Variants in GNPNAT1 observed in about 807,000 individuals in gnomAD.
The protein encoded by GNPNAT1 is glucosamine-phosphate N-acetyltransferase 1.
Under a neutral mutation model 19.8 loss-of-function variants are expected in GNPNAT1, and 11 were observed. The observed-to-expected ratio is 0.56, with a 90% CI of 0.35 to 0.92. The LOEUF is 0.92. Among genes scored for constraint, GNPNAT1 ranks in the 40% least tolerant of loss-of-function variants. GNPNAT1 has a pLI of 0.01. For synonymous variants in GNPNAT1, 71 were observed against 72.3 expected, an observed-to-expected ratio of 0.98 and a Z score of 0.09; for missense variants, 157 against 211.0, an observed-to-expected ratio of 0.74 and a Z score of 1.59.
At chr14:52,789,992 A>T (rs1169303070) in intron 1 of GNPNAT1, among the ~76,000 whole-genome samples, 1 of 46,452 alleles carries the variant, frequency 2.2e-5, no homozygotes, top group Non-Finnish European at 5.5e-5. Context: ...AGGACAAAAA[A>T]AAAAAAAAAA....
At chr14:52,787,852 CACT>C (rs774538706) in intron 1 of GNPNAT1, 10 of 151,872 alleles carry the variant, frequency 6.6e-5, no homozygotes, top group Non-Finnish European at 1.0e-4. Flanking sequence ...ATGAATCAGG[CACT>C]GTGCTGGTTA....
chr14:52,786,881 T>G, intron 1 of GNPNAT1, among the ~76,000 whole-genome samples: 1 of 117,844 alleles, frequency 8.5e-6, no homozygotes, highest in African/African-American at 3.5e-5. Flanking sequence ...TTTTTTTTTT[T>G]TTTTTTTTCA....
intron 1 of GNPNAT1, among the ~76,000 whole-genome samples, chr14:52,786,274 G>A (rs1883016468): frequency 6.6e-6 from 1 of 151,814 alleles, no homozygotes; most frequent in African/African-American, 2.4e-5. Flanking sequence ...AGAGGCAGAG[G>A]CAGGTAGATC....
At chr14:52,781,983 A>G in intron 3 of GNPNAT1, 72 bp from the exon 4 acceptor site, 1 of 1,339,790 alleles carries the variant, frequency 7.5e-7, no homozygotes, top group Non-Finnish European at 1.0e-6. Flanking sequence ...AAATATTAGG[A>G]TTAGCTGACT....
rs116522848 is a variant in GNPNAT1 at position 52,787,454 on chromosome 14, T to G, written c.-14-2790A>C. On this transcript the variant is annotated intron_variant, in intron 1 of 5. Transcript: ENST00000216410. ...CTGTTGAAAGAGCTTTACTAATTCA[T>G]TTATTTCAACCATCCTACAGGTTAG... Among the ~76,000 whole-genome samples the G allele has an allele frequency of 4.2e-3, 643 of 152,270 alleles. 5 individuals are homozygous for G. Among genetic ancestry groups the G allele is most frequent in the African/African-American group, 0.015 (606 of 41,584 alleles).
chr14:52,788,514 T>G (rs1371258212), intron 1 of GNPNAT1, among the ~76,000 whole-genome samples: 1 of 152,218 alleles, frequency 6.6e-6, no homozygotes, highest in Non-Finnish European at 1.5e-5. Flanking sequence ...TTTTTGTGTG[T>G]AATCTCATCT....
At chr14:52,789,895 C>G (rs1229204017) in intron 1 of GNPNAT1, among the ~76,000 whole-genome samples, 1 of 150,078 alleles carries the variant, frequency 6.7e-6, no homozygotes, top group Non-Finnish European at 1.5e-5. Context: ...TTAGAAGACC[C>G]GTTTAAGCCT....
Position 52,778,365 on chromosome 14 carries a change from C to G in GNPNAT1, c.501G>C (p.Lys167Asn). Reference sequence around the variant, plus strand: ...TTTCTTCAGATACAGTATATCCAAACTTTTTATAGAAACCAACATTTTGTG... The same window carrying G: ...TTTCTTCAGATACAGTATATCCAAAGTTTTTATAGAAACCAACATTTTGTG... Reference protein sequence around the residue: ...CLPQNVGFYKKFGYTVSEENY... With the variant: ...CLPQNVGFYKNFGYTVSEENY... The change falls in exon 6 of 6, where the codon AAG (lysine) becomes AAC (asparagine). Residue 167 changes from lysine (K) to asparagine (N), a missense_variant. Coordinates refer to ENST00000216410, the MANE Select transcript of GNPNAT1 (RefSeq NM_198066.4). The G allele has an allele frequency of 1.2e-6, 2 of 1,606,752 alleles. No individual in the cohort carries two copies. The highest frequency in any genetic ancestry group is 1.7e-6 in the Non-Finnish European group (2 of 1,177,916).
rs750441855 is a variant in GNPNAT1 at position 52,775,695 on chromosome 14, C to G, written c.*2616G>C. On this transcript the variant is annotated 3_prime_UTR_variant, in exon 6 of 6. Transcript: ENST00000216410. ...TCACTTGAGCTCAGGAGTTTGAGACCGGCTTGGGCAATATAGTAAGACCCC... is the reference window on the plus strand; with the variant it reads ...TCACTTGAGCTCAGGAGTTTGAGACGGGCTTGGGCAATATAGTAAGACCCC... 6.6e-6 allele frequency: 1 copy of G among 151,888 alleles called. No individual in the cohort carries two copies. Among genetic ancestry groups the G allele is most frequent in the East Asian group, 1.9e-4 (1 of 5,164 alleles). The allele number at this position is 151,888 out of a possible 1,614,324, so 9.4% of individuals were successfully genotyped here. A position where few individuals can be genotyped will look rare whatever the true frequency, so the allele number is the denominator to read the frequency against.
chr14:52,781,166 A>G (rs367749577), intron 4 of GNPNAT1, among the ~76,000 whole-genome samples: 84 of 152,298 alleles, frequency 5.5e-4, no homozygotes, highest in African/African-American at 1.9e-3. Flanking sequence ...CTTTAAACAA[A>G]TATCAGGATC....
intron 5 of GNPNAT1, among the ~76,000 whole-genome samples, chr14:52,779,105 C>CT (rs1882817511): frequency 6.6e-6 from 1 of 152,182 alleles, no homozygotes; most frequent in African/African-American, 2.4e-5. Context: ...TGTAAAAATT[C>CT]TTTATTTAAA....
At chr14:52,783,313 G>A (rs1882937195) in intron 3 of GNPNAT1, 110 bp downstream of exon 3, 1 of 672,426 alleles carries the variant, frequency 1.5e-6, no homozygotes, top group Non-Finnish European at 2.6e-6. Flanking sequence ...TTTGTTCTTT[G>A]AATAATTTCC....
chr14:52,777,046 T>C lies in GNPNAT1; in HGVS notation c.*1265A>G, dbSNP rs1046875499. 3.9e-5 allele frequency: 6 copies of C among 152,230 alleles called. No individual in the cohort carries two copies. The highest frequency in any genetic ancestry group is 7.3e-5 in the Non-Finnish European group (5 of 68,050). 9.4% of individuals were successfully genotyped at this position (152,230 alleles called of 1,614,324 possible). Reference sequence around the variant, plus strand: ...GCACTCTATTGGTGAAGGATTTCTGTTGTTTTGGAAAGCCAACTATAGCTG... The same window carrying C: ...GCACTCTATTGGTGAAGGATTTCTGCTGTTTTGGAAAGCCAACTATAGCTG... On this transcript the variant is annotated 3_prime_UTR_variant, in exon 6 of 6. Coordinates refer to ENST00000216410, the MANE Select transcript of GNPNAT1 (RefSeq NM_198066.4).
intron 5 of GNPNAT1, among the ~76,000 whole-genome samples, chr14:52,779,745 A>AC (rs1273322213): frequency 4.0e-5 from 6 of 150,940 alleles, no homozygotes; most frequent in African/African-American, 9.7e-5. Flanking sequence ...AAAAAAAAAA[A>AC]AAAAACATAA....
intron 1 of GNPNAT1, among the ~76,000 whole-genome samples, chr14:52,789,986 C>CAAAA (rs200756037): frequency 1.9e-5 from 2 of 107,214 alleles, no homozygotes; most frequent in Non-Finnish European, 3.8e-5. Flanking sequence ...TCCAGAAGGA[C>CAAAA]AAAAAAAAAA....
intron 1 of GNPNAT1, among the ~76,000 whole-genome samples, chr14:52,788,205 C>T (rs370802352): frequency 8.5e-5 from 13 of 152,212 alleles, no homozygotes; most frequent in African/African-American, 3.1e-4. Flanking sequence ...ACTGCAGCCT[C>T]AAACTCCTGG....
rs1170153939 is a variant in GNPNAT1 at position 52,777,294 on chromosome 14, CAA to C, written c.*1015_*1016del. 2.6e-5 allele frequency: 4 copies of C among 152,636 alleles called. No individual in the cohort carries two copies. The highest frequency in any genetic ancestry group is 2.4e-5 in the African/African-American group (1 of 41,540). The allele number at this position is 152,636 out of a possible 1,614,324, so 9.5% of individuals were successfully genotyped here. On this transcript the variant is annotated 3_prime_UTR_variant, in exon 6 of 6. Transcript: ENST00000216410. ...AACAGGTTTAATGCAACATGGAATG[CAA>C]AAGATTAGAACCATTAAAATATTTA...
rs200009417 is a variant in GNPNAT1 at position 52,778,353 on chromosome 14, A to G, written c.513T>C (p.Thr171=). ...GACACATGTAGTTTTCTTCAGATAC[A>G]GTATATCCAAACTTTTTATAGAAAC... ...NVGFYKKFGY[T]VSEENYMCRR... is the part of the protein sequence containing the mutation. Residue 171 remains threonine (T), a synonymous_variant, in exon 6 of 6, where the codon ACT becomes ACC. Transcript: ENST00000216410. 186 of 1,602,950 alleles carry G rather than the reference A, an allele frequency of 1.2e-4. No homozygotes were observed. The highest frequency in any genetic ancestry group is 1.5e-4 in the Non-Finnish European group (180 of 1,177,140).
chr14:52,784,193 GCTT>G (rs1483364734), intron 2 of GNPNAT1, among the ~76,000 whole-genome samples: 1 of 152,076 alleles, frequency 6.6e-6, no homozygotes, highest in African/African-American at 2.4e-5. Flanking sequence ...TCCCCAACCA[GCTT>G]CTTAAGATCC....
Sources: gnomAD v4.1 joint callset for allele counts (sites outside exome capture counted in the v4.1 genomes callset) on GRCh38, gnomAD v4.1.1 for gene constraint, MANE v1.5 for transcripts, NCBI Gene and HGNC (gene_info 2026-07-23, HGNC 2026-07-21) for gene names.